QSER1: variants seen among roughly 807,000 people sequenced by gnomAD.
QSER1 encodes the protein glutamine and serine-rich protein 1.
QSER1 carries 49 observed loss-of-function variants against 158.5 expected under a neutral mutation model. That is an observed-to-expected ratio of 0.31 (90% CI 0.25 to 0.39). The LOEUF (loss-of-function observed/expected upper bound fraction) is 0.39. Among genes scored for constraint, QSER1 ranks in the 10% least tolerant of loss-of-function variants. QSER1 has a pLI of 1.00. For missense variants in QSER1, 1,754 were observed against 2,010.3 expected (o/e 0.87, Z 2.44); for synonymous variants, 650 against 715.5 (o/e 0.91, Z 1.46).
At chr11:32,896,447 C>T (rs950693374) in intron 1 of QSER1, among the ~76,000 whole-genome samples, 1 of 152,166 alleles carries the variant, frequency 6.6e-6, no homozygotes, top group Non-Finnish European at 1.5e-5. Flanking sequence ...CTCTGCCTCA[C>T]GGGTTCAAGC....
At chr11:32,957,780 C>G in intron 7 of QSER1, 89 bp from the exon 8 acceptor site, 1 of 1,059,010 alleles carries the variant, frequency 9.4e-7, no homozygotes, top group East Asian at 2.6e-5. Flanking sequence ...ATTAGATAAT[C>G]TTCTCCTGTG....
chr11:32,937,319 C>T (rs531862506), intron 4 of QSER1, among the ~76,000 whole-genome samples: 37 of 152,238 alleles, frequency 2.4e-4, no homozygotes, highest in South Asian at 1.2e-3. Flanking sequence ...GAGTCTTGCT[C>T]TGTCACCCAG....
rs1852103365 is a variant in QSER1, at chr11:32,934,292, G to C, written c.3034G>C (p.Asp1012His). The stretch of plus-strand genomic sequence containing the variant: ...AAATGAAACCATGCAGGCTGTTGAA[G>C]ATGGTGATTCTAAATCTCATTTTCA... ...TSNETMQAVE[D>H]GDSKSHFQQS... The change falls in exon 4 of 13, where the codon GAT (aspartate) becomes CAT (histidine). Residue 1012 changes from aspartate (D) to histidine (H), a missense_variant. Transcript: ENST00000650167. 1.9e-6 allele frequency: 3 copies of C among 1,614,044 alleles called. No individual in the cohort carries two copies. Among genetic ancestry groups the C allele is most frequent in the East Asian group, 4.5e-5 (2 of 44,890 alleles).
chr11:32,953,492 TAC>T (rs1294971828), intron 4 of QSER1, among the ~76,000 whole-genome samples: 1 of 152,170 alleles, frequency 6.6e-6, no homozygotes, highest in Non-Finnish European at 1.5e-5. Flanking sequence ...TAGCTGAGAC[TAC>T]AGGCACACAA....
chr11:32,962,768 G>A (rs1481190341), intron 8 of QSER1, among the ~76,000 whole-genome samples: 1 of 152,192 alleles, frequency 6.6e-6, no homozygotes. Context: ...AAGATGTCCA[G>A]AACTCTAATT....
At chr11:32,915,695 A>G (rs999276780) in intron 1 of QSER1, among the ~76,000 whole-genome samples, 1 of 152,220 alleles carries the variant, frequency 6.6e-6, no homozygotes, top group African/African-American at 2.4e-5. Flanking sequence ...GACCAGTACT[A>G]TCAGATTATT....
chr11:32,947,024 A>C (rs1317962058), intron 4 of QSER1, among the ~76,000 whole-genome samples: 1 of 152,250 alleles, frequency 6.6e-6, no homozygotes, highest in Non-Finnish European at 1.5e-5. Context: ...TTCTTTGATT[A>C]GGAAAGGGAA....
intron 1 of QSER1, among the ~76,000 whole-genome samples, chr11:32,894,109 A>G (rs545733551): frequency 6.6e-6 from 1 of 152,296 alleles, no homozygotes; most frequent in South Asian, 2.1e-4. Context: ...AAGGCCGTAA[A>G]GGTTGAAGAA....
chr11:32,969,492 A>G (rs1420412916), intron 10 of QSER1, among the ~76,000 whole-genome samples: 3 of 152,110 alleles, frequency 2.0e-5, no homozygotes, highest in Non-Finnish European at 4.4e-5. Context: ...CATTTATTCA[A>G]TATCAGAGGA....
rs1380874236 is a variant in QSER1 at position 32,899,785 on chromosome 11, C to CT, written c.209+6457dup. ...GTGCTCAGAAACTTGGAGTTCTGTC[C>CT]TTTTTTCTTTTCTCTCCACTGACCC... On this transcript the variant is annotated intron_variant, in intron 1 of 12. Transcript: ENST00000650167. 2.0e-5 allele frequency among the ~76,000 whole-genome samples: 3 copies of CT among 152,228 alleles called. No individual in the cohort carries two copies. The East Asian group carries it at 5.8e-4, about 29-fold the overall frequency.
chr11:32,909,575 G>A (rs544802245), intron 1 of QSER1, among the ~76,000 whole-genome samples: 2 of 152,168 alleles, frequency 1.3e-5, no homozygotes, highest in Admixed American at 1.3e-4. Context: ...AAGTAGCTGG[G>A]ACTACAGGCG....
intron 4 of QSER1, 93 bp from the exon 5 acceptor site, chr11:32,953,760 TAATC>T (rs1193318409): frequency 1.4e-6 from 2 of 1,395,372 alleles, no homozygotes; most frequent in Non-Finnish European, 1.9e-6. Context: ...GATTACAAAA[TAATC>T]AAGTCTTTCT....
At position 32,968,973 on chromosome 11, in the gene QSER1, T is replaced by C. The variant is rs190672471; in HGVS notation, c.5108-73T>C. On this transcript the variant is annotated intron_variant, in intron 9 of 12. Transcript: ENST00000650167. ...TAGTGTATTTTAATATATAAATGTT[T>C]TGAGAAAAAGTTGGATTTTTTTCAA... The C allele has an allele frequency of 1.6e-3, 1,261 of 791,324 alleles. 2 individuals carry two copies. The highest frequency in any genetic ancestry group is 2.4e-3 in the Admixed American group (85 of 35,570). 49.0% of individuals were successfully genotyped at this position (791,324 alleles called of 1,614,324 possible). A position where few individuals can be genotyped will look rare whatever the true frequency, so the allele number is the denominator to read the frequency against.
At position 32,955,428 on chromosome 11, in the gene QSER1, G is replaced by C. The variant is rs1257867450; in HGVS notation, c.4617+16G>C. ...TACAAATAGTGTAAGTAAAATGCAT[G>C]TTTACATTAGCCTTATTTTGACAGT... On this transcript the variant is annotated intron_variant, in intron 6 of 12. Transcript: ENST00000650167. 2 of 1,234,022 alleles carry C rather than the reference G, an allele frequency of 1.6e-6. No individual in the cohort carries two copies. The highest frequency in any genetic ancestry group is 2.3e-6 in the Non-Finnish European group (2 of 860,406). The allele number at this position is 1,234,022 out of a possible 1,614,324, so 76.4% of individuals were successfully genotyped here. A position where few individuals can be genotyped will look rare whatever the true frequency, so the allele number is the denominator to read the frequency against.
intron 1 of QSER1, among the ~76,000 whole-genome samples, chr11:32,895,419 T>C (rs1405367932): frequency 6.6e-6 from 1 of 152,232 alleles, no homozygotes; most frequent in African/African-American, 2.4e-5. Flanking sequence ...ATACCTCATT[T>C]TATTCCTCAA....
chr11:32,916,646 A>G (rs945404103), intron 1 of QSER1, among the ~76,000 whole-genome samples: 2 of 152,188 alleles, frequency 1.3e-5, no homozygotes, highest in African/African-American at 4.8e-5. Flanking sequence ...TGAATACTCT[A>G]GGCAGTTGTA....
At chr11:32,947,067 A>G (rs1852347093) in intron 4 of QSER1, among the ~76,000 whole-genome samples, 1 of 152,242 alleles carries the variant, frequency 6.6e-6, no homozygotes, top group Admixed American at 6.5e-5. Flanking sequence ...CGAGTGAGGC[A>G]ATGCCTCACC....
At chr11:32,941,140 G>T (rs1426631956) in intron 4 of QSER1, among the ~76,000 whole-genome samples, 4 of 151,372 alleles carry the variant, frequency 2.6e-5, no homozygotes, top group Non-Finnish European at 5.9e-5. Flanking sequence ...TTTCAGTTTT[G>T]ATTTCCTTTT....
At chr11:32,914,137 G>A (rs1851804724) in intron 1 of QSER1, among the ~76,000 whole-genome samples, 1 of 152,152 alleles carries the variant, frequency 6.6e-6, no homozygotes, top group South Asian at 2.1e-4. Flanking sequence ...TGGACTTAGT[G>A]TTTATTTCTA....
Sources: allele counts gnomAD v4.1 joint callset (sites outside exome capture counted in the v4.1 genomes callset), GRCh38; gene constraint gnomAD v4.1.1; transcripts MANE v1.5; gene names NCBI Gene and HGNC (gene_info 2026-07-23, HGNC 2026-07-21).